The following MELK variants were observed in gnomAD, a reference collection of about 807,000 sequenced individuals.
The protein encoded by MELK is pEg3 kinase.
MELK carries 81 observed loss-of-function variants against 85.0 expected under a neutral mutation model. The ratio of observed to expected loss-of-function variants is 0.95; its 90% confidence interval spans 0.80 to 1.15. The LOEUF is 1.15. Among genes scored for constraint, MELK ranks in the 50% most tolerant of loss-of-function variants. MELK has a pLI of 0.00. For synonymous variants in MELK, 252 were observed against 265.0 expected, an observed-to-expected ratio of 0.95 and a Z score of 0.48; for missense variants, 754 against 777.5, an observed-to-expected ratio of 0.97 and a Z score of 0.36.
Position 36,670,995 on chromosome 9 carries a change from C to T in MELK, c.1506-3C>T. 1 of 1,599,592 alleles carries T rather than the reference C, an allele frequency of 6.3e-7. No homozygotes were observed. Among genetic ancestry groups the T allele is most frequent in the Admixed American group, 1.7e-5 (1 of 57,166 alleles). On this transcript the variant is annotated splice_polypyrimidine_tract_variant and splice_region_variant and intron_variant, in intron 15 of 17. Transcript: ENST00000298048. ...TTGTGCCTTGTTTTATGTTTTGTTT[C>T]AGGTGCCGCTCAGTGGAATTGGATC...
At chr9:36,588,505 G>A (rs184847612) in intron 3 of MELK, among the ~76,000 whole-genome samples, 19 of 150,684 alleles carry the variant, frequency 1.3e-4, no homozygotes, top group East Asian at 1.2e-3. Flanking sequence ...TCAGCCTCCC[G>A]AGTAGCTGGG....
chr9:36,611,639 G>C (rs1826062094), intron 8 of MELK, among the ~76,000 whole-genome samples: 1 of 152,002 alleles, frequency 6.6e-6, no homozygotes, highest in African/African-American at 2.4e-5. Context: ...GCCTCTCTGT[G>C]TCTTAGTTTC....
chr9:36,630,171 A>G, intron 8 of MELK, 128 bp from the exon 9 acceptor site: 2 of 732,460 alleles, frequency 2.7e-6, no homozygotes, highest in South Asian at 3.5e-5. Context: ...TTAGTTAATA[A>G]TGTTTACCAA....
At chr9:36,589,939 T>G (rs944748708) in intron 4 of MELK, among the ~76,000 whole-genome samples, 1 of 149,892 alleles carries the variant, frequency 6.7e-6, no homozygotes, top group Non-Finnish European at 1.5e-5. Flanking sequence ...TTTTTTTTTT[T>G]GAGACGGAAT....
chr9:36,665,411 G>T lies in MELK; in HGVS notation c.1238G>T (p.Cys413Phe). Residue 413 changes from cysteine to phenylalanine, a missense_variant, in exon 14 of 18, where the codon TGC becomes TTC. By Grantham distance (205) the Cys-to-Phe change is radical. Transcript: ENST00000298048. ...TCTAAATCATTAACTCCAGCCTTATGCAGAACACCTGCAAATAAATTAAAG... is the reference window on the plus strand; with the variant it reads ...TCTAAATCATTAACTCCAGCCTTATTCAGAACACCTGCAAATAAATTAAAG... ...VESKSLTPAL[C>F]RTPANKLKNK... 6.2e-7 allele frequency: 1 copy of T among 1,613,602 alleles called. No homozygotes were observed. The highest frequency in any genetic ancestry group is 1.7e-5 in the Admixed American group (1 of 59,986).
chr9:36,638,119 G>C (rs1186881242), intron 10 of MELK, among the ~76,000 whole-genome samples: 2 of 152,104 alleles, frequency 1.3e-5, no homozygotes, highest in Non-Finnish European at 2.9e-5. Context: ...TCTCAGCCAT[G>C]ATCCTAATAG....
chr9:36,595,933 A>G (rs1279443431), intron 5 of MELK, among the ~76,000 whole-genome samples: 2 of 151,984 alleles, frequency 1.3e-5, no homozygotes, highest in Non-Finnish European at 2.9e-5. Flanking sequence ...CTCTTGCCTT[A>G]GCCTCCTGAG....
At chr9:36,589,391 G>C in intron 3 of MELK, 145 bp from the exon 4 acceptor site, 1 of 595,910 alleles carries the variant, frequency 1.7e-6, no homozygotes, top group Non-Finnish European at 3.1e-6. Context: ...CTCATGATCC[G>C]CCCGCCTCGG....
chr9:36,598,435 T>C (rs1233795767), intron 6 of MELK, among the ~76,000 whole-genome samples: 3 of 152,160 alleles, frequency 2.0e-5, no homozygotes, highest in Admixed American at 2.0e-4. Context: ...CAGTTGTAAA[T>C]GACATCTCAC....
chr9:36,615,286 A>G (rs1447004719), intron 8 of MELK, among the ~76,000 whole-genome samples: 34 of 63,814 alleles, frequency 5.3e-4, no homozygotes, highest in Admixed American at 1.6e-3. Context: ...ACGGCTGGCC[A>G]GGCGGGGGGC....
At chr9:36,619,464 A>G (rs1318670339) in intron 8 of MELK, among the ~76,000 whole-genome samples, 1 of 152,174 alleles carries the variant, frequency 6.6e-6, no homozygotes, top group Non-Finnish European at 1.5e-5. Context: ...CCTTCTAACC[A>G]TACTTACTTC....
At chr9:36,672,340 A>G (rs1832962313) in intron 16 of MELK, among the ~76,000 whole-genome samples, 1 of 152,234 alleles carries the variant, frequency 6.6e-6, no homozygotes, top group African/African-American at 2.4e-5. Context: ...TAAAAAAACC[A>G]TAGTACCATT....
intron 10 of MELK, among the ~76,000 whole-genome samples, chr9:36,636,794 T>TCTGTCTGTCTGTCTGTCTGTCTG (rs1376599498): frequency 6.8e-5 from 6 of 88,770 alleles, no homozygotes; most frequent in Admixed American, 3.5e-4. Flanking sequence ...CTGTCTGTCT[T>TCTGTCTGTCTGTCTGTCTGTCTG]TCTTTCTTTC....
In MELK at chr9:36,589,596, A is replaced by G. The variant is rs762576629; in HGVS notation, c.205A>G (p.Ile69Val). 2.5e-6 allele frequency: 4 copies of G among 1,614,034 alleles called. No homozygotes were observed. Among genetic ancestry groups the G allele is most frequent in the Admixed American group, 1.7e-5 (1 of 59,998 alleles). Residue 69 changes from isoleucine (I) to valine (V), a missense_variant, in exon 4 of 18, where the codon ATA becomes GTA. Coordinates refer to ENST00000298048, the MANE Select transcript of MELK (RefSeq NM_014791.4). ...CTTGAAGAACCTGAGACATCAGCATATATGTCAACTCTACCATGTGCTAGA... is the reference window on the plus strand; with the variant it reads ...CTTGAAGAACCTGAGACATCAGCATGTATGTCAACTCTACCATGTGCTAGA... Reference protein sequence around the residue: ...EALKNLRHQHICQLYHVLETA... With the variant: ...EALKNLRHQHVCQLYHVLETA...
intron 3 of MELK, among the ~76,000 whole-genome samples, chr9:36,588,460 A>G (rs1206954129): frequency 7.0e-6 from 1 of 142,772 alleles, no homozygotes; most frequent in Non-Finnish European, 1.5e-5. Flanking sequence ...GCTCACCGCA[A>G]CCTCCACCTC....
intron 1 of MELK, among the ~76,000 whole-genome samples, chr9:36,579,266 A>T (rs1185601928): frequency 3.3e-5 from 5 of 152,156 alleles, no homozygotes; most frequent in Non-Finnish European, 7.3e-5. Flanking sequence ...ACCTCAGGTG[A>T]TCTGCCCGTC....
At chr9:36,615,497 C>A (rs987413956) in intron 8 of MELK, among the ~76,000 whole-genome samples, 2 of 120,520 alleles carry the variant, frequency 1.7e-5, no homozygotes, top group Non-Finnish European at 3.6e-5. Context: ...GGGGCTGACC[C>A]CCCCCCACCT....
intron 7 of MELK, among the ~76,000 whole-genome samples, chr9:36,603,324 T>G (rs1300739147): frequency 3.3e-5 from 5 of 152,208 alleles, no homozygotes; most frequent in Non-Finnish European, 7.3e-5. Flanking sequence ...GATTCTGATG[T>G]TCACAGTCCT....
intron 11 of MELK, among the ~76,000 whole-genome samples, chr9:36,643,538 A>G (rs1191031762): frequency 6.6e-6 from 1 of 152,238 alleles, no homozygotes; most frequent in African/African-American, 2.4e-5. Context: ...AAATATTTAC[A>G]TATGATTTCC....
Sources: allele counts gnomAD v4.1 joint callset (sites outside exome capture counted in the v4.1 genomes callset), GRCh38; gene constraint gnomAD v4.1.1; transcripts MANE v1.5; gene names NCBI Gene and HGNC (gene_info 2026-07-23, HGNC 2026-07-21).